DHX57: variants seen among roughly 807,000 people sequenced by gnomAD.
The protein encoded by DHX57 is putative ATP-dependent RNA helicase DHX57.
Under a neutral mutation model 156.2 loss-of-function variants are expected in DHX57, and 105 were observed. The ratio of observed to expected loss-of-function variants is 0.67; its 90% CI spans 0.57 to 0.79. The LOEUF (loss-of-function observed/expected upper bound fraction) is 0.79. Among genes scored for constraint, DHX57 ranks in the 30% least tolerant of loss-of-function variants. The pLI is 0.00. For synonymous variants in DHX57, 704 were observed against 595.6 expected (o/e 1.18, Z -2.65); for missense variants, 1,847 against 1,661.9 (o/e 1.11, Z -1.94).
chr2:38,815,406 A>T lies in DHX57; in HGVS notation c.3606+115T>A. 2.2e-6 allele frequency: 3 copies of T among 1,346,834 alleles called. No homozygotes were observed. The Admixed American group carries it at 6.0e-5, about 27-fold the overall frequency. 83.4% of individuals were successfully genotyped at this position (1,346,834 alleles called of 1,614,324 possible). A position where few individuals can be genotyped will look rare whatever the true frequency, so the allele number is the denominator to read the frequency against. On this transcript the variant is annotated intron_variant, in intron 20 of 23. Transcript: ENST00000457308. ...TGCGAAGCAGAAAATCAAGAATGCC[A>T]TTAACCCACTGCTCAAAGGCTTAAG... is the stretch of plus-strand genomic sequence containing the variant.
Position 38,862,294 on chromosome 2 carries a change from A to G in DHX57, c.423T>C (p.Asp141=), listed in dbSNP as rs375185377. 22 of 1,603,128 alleles carry G rather than the reference A, an allele frequency of 1.4e-5. No homozygotes were observed. The highest frequency in any genetic ancestry group is 4.3e-6 in the Non-Finnish European group (5 of 1,172,998). The change falls in exon 4 of 24, where the codon GAT becomes GAC. Residue 141 remains aspartate (D), a synonymous_variant. Coordinates refer to ENST00000457308, the MANE Select transcript of DHX57 (RefSeq NM_198963.3). The part of the protein sequence containing the change: ...LSGEEEDDEP[D]CCNDERYWPA... The stretch of plus-strand genomic sequence containing the variant: ...GCCAGTACCGCTCATCGTTACAGCA[A>G]TCAGGCTCATCATCTTCCTCCTCCC...
chr2:38,861,199 G>A lies in DHX57; in HGVS notation c.1211C>T (p.Ser404Leu), dbSNP rs369485938. 106 of 1,614,020 alleles carry A rather than the reference G, an allele frequency of 6.6e-5. No homozygotes were observed. The highest frequency in any genetic ancestry group is 1.6e-4 in the Middle Eastern group (1 of 6,084). ...TATCAAAGAATATACGACAGGTTCC[G>A]AAGTTTCCGCAAATGTCAAGGCCTT... ...YDKALTFAETSEPVVYSLITL... is the reference protein window; with the variant it reads ...YDKALTFAETLEPVVYSLITL... The change falls in exon 5 of 24, where the codon TCG becomes TTG. Residue 404 changes from serine (S) to leucine (L), a missense_variant. Coordinates refer to ENST00000457308, the MANE Select transcript of DHX57 (RefSeq NM_198963.3).
At chr2:38,822,668 T>G (rs1670884679) in intron 17 of DHX57, among the ~76,000 whole-genome samples, 1 of 152,206 alleles carries the variant, frequency 6.6e-6, no homozygotes, top group African/African-American at 2.4e-5. Flanking sequence ...GTGCGGGGAT[T>G]ACAGGCATAA....
intron 20 of DHX57, among the ~76,000 whole-genome samples, chr2:38,814,320 C>T (rs575083959): frequency 6.6e-6 from 1 of 152,242 alleles, no homozygotes; most frequent in African/African-American, 2.4e-5. Context: ...AAAAAGAGCA[C>T]CTAATTTCTA....
intron 19 of DHX57, among the ~76,000 whole-genome samples, chr2:38,818,274 C>G (rs1670641840): frequency 6.6e-6 from 1 of 152,072 alleles, no homozygotes; most frequent in Admixed American, 6.6e-5. Flanking sequence ...CACCTGTAAT[C>G]CCAGCACTTT....
intron 21 of DHX57, 27 bp downstream of exon 21, chr2:38,813,794 A>G: frequency 1.2e-6 from 2 of 1,612,048 alleles, no homozygotes; most frequent in Non-Finnish European, 1.7e-6. Context: ...CAAAAAATGG[A>G]AAGATCTAGG....
chr2:38,836,775 C>CAAAAA (rs964200602), intron 13 of DHX57, among the ~76,000 whole-genome samples: 54 of 42,448 alleles, frequency 1.3e-3, no homozygotes, highest in Middle Eastern at 9.1e-3. Flanking sequence ...GACCCTGTCT[C>CAAAAA]AAAAAAAAAA....
At chr2:38,867,152 T>C (rs562739830) in intron 2 of DHX57, 1 of 152,352 alleles carries the variant, frequency 6.6e-6, no homozygotes, top group East Asian at 1.9e-4. Context: ...AGCAACATGC[T>C]GTATAGATTT....
intron 14 of DHX57, among the ~76,000 whole-genome samples, chr2:38,827,505 A>AAAAAT (rs1553326974): frequency 8.9e-4 from 9 of 10,138 alleles, no homozygotes; most frequent in African/African-American, 1.1e-3. Flanking sequence ...AAAAAAAAAA[A>AAAAAT]ATATATATAT....
chr2:38,872,588 A>C (rs1178406269), intron 1 of DHX57, among the ~76,000 whole-genome samples: 1 of 152,258 alleles, frequency 6.6e-6, no homozygotes, highest in Non-Finnish European at 1.5e-5. Context: ...GGCTATGTTA[A>C]TAGCTTACAA....
chr2:38,798,753 G>A (rs920897896), intron 23 of DHX57, among the ~76,000 whole-genome samples: 10 of 151,794 alleles, frequency 6.6e-5, no homozygotes, highest in African/African-American at 2.4e-4. Context: ...AGACCAGGCT[G>A]GCCAACATGG....
intron 19 of DHX57, chr2:38,816,246 GCT>G (rs1371471867): frequency 2.2e-6 from 1 of 463,334 alleles, no homozygotes; most frequent in Non-Finnish European, 4.4e-6. Context: ...ACAGAGTCTT[GCT>G]CTGTCATCCA....
chr2:38,865,677 T>C (rs921908264), intron 2 of DHX57, among the ~76,000 whole-genome samples: 1 of 152,156 alleles, frequency 6.6e-6, no homozygotes, highest in African/African-American at 2.4e-5. Context: ...CCAAATTCTC[T>C]TAGCTTTAAA....
At chr2:38,816,151 T>A (rs988922555) in intron 19 of DHX57, 1 of 471,192 alleles carries the variant, frequency 2.1e-6, no homozygotes, top group African/African-American at 2.0e-5. Flanking sequence ...TTCCTCTTTC[T>A]CCTTCATTAT....
chr2:38,798,149 T>A lies in DHX57; in HGVS notation c.*150A>T. 1 of 1,036,894 alleles carries A rather than the reference T, an allele frequency of 9.6e-7. No individual in the cohort carries two copies. Among genetic ancestry groups the A allele is most frequent in the Non-Finnish European group, 1.4e-6 (1 of 717,530 alleles). 64.2% of individuals were successfully genotyped at this position (1,036,894 alleles called of 1,614,324 possible). On this transcript the variant is annotated 3_prime_UTR_variant, in exon 24 of 24. Transcript: ENST00000457308. ...TGTTAGAAATGGCCCTAAGGGTATATACACTGCCTCAGCTGCCTTGGGCTT... is the reference window on the plus strand; with the variant it reads ...TGTTAGAAATGGCCCTAAGGGTATAAACACTGCCTCAGCTGCCTTGGGCTT...
At chr2:38,815,285 G>A (rs1036571840) in intron 20 of DHX57, among the ~76,000 whole-genome samples, 3 of 151,460 alleles carry the variant, frequency 2.0e-5, no homozygotes, top group South Asian at 4.2e-4. Context: ...GGCTGGTCTC[G>A]AACTCCTGAG....
At chr2:38,805,940 A>T (rs1311630639) in intron 22 of DHX57, among the ~76,000 whole-genome samples, 1 of 152,116 alleles carries the variant, frequency 6.6e-6, no homozygotes, top group African/African-American at 2.4e-5. Context: ...GAATAAGGAC[A>T]AAGGATAGAA....
chr2:38,802,540 G>A (rs1320181639), intron 23 of DHX57, among the ~76,000 whole-genome samples, 175 bp downstream of exon 23: 3 of 151,972 alleles, frequency 2.0e-5, no homozygotes, highest in African/African-American at 7.3e-5. Context: ...TGCCTGCCTC[G>A]GCCTCCCAAA....
At chr2:38,873,452 A>G (rs1354864789) in intron 1 of DHX57, among the ~76,000 whole-genome samples, 6 of 152,236 alleles carry the variant, frequency 3.9e-5, no homozygotes, top group Non-Finnish European at 8.8e-5. Flanking sequence ...ATTGCTGATG[A>G]TTATACATAT....
Sources: allele counts gnomAD v4.1 joint callset (sites outside exome capture counted in the v4.1 genomes callset), GRCh38; gene constraint gnomAD v4.1.1; transcripts MANE v1.5; gene names NCBI Gene and HGNC (gene_info 2026-07-23, HGNC 2026-07-21).